Variants in XIST observed in about 807,000 individuals in gnomAD.
XIST encodes the protein X inactive specific transcript.
chrX:73,843,306 C>G (rs1301901349), exon 1 of XIST: 1 of 558,457 alleles, frequency 1.8e-6, no homozygotes, highest in African/African-American at 2.2e-5. Context: ...GTCAGTACCC[C>G]CGATGTAAGC....
At chrX:73,847,965 T>C in exon 1 of XIST, 1 of 559,192 alleles carries the variant, frequency 1.8e-6, no homozygotes, top group Non-Finnish European at 3.2e-6. Context: ...TCAGTTGCCA[T>C]GGTTCACATT....
At chrX:73,821,733 C>T (rs758874284) in exon 6 of XIST, 13 of 526,492 alleles carry the variant, frequency 2.5e-5, no homozygotes, top group Non-Finnish European at 4.4e-5. Context: ...AAAGCCCAGC[C>T]AGGCCTACAT....
chrX:73,825,986 A>C, exon 6 of XIST: 1 of 559,092 alleles, frequency 1.8e-6, no homozygotes, highest in Non-Finnish European at 3.2e-6. Context: ...GGCACAGTCC[A>C]CCAAATTATT....
chrX:73,847,660 T>C, exon 1 of XIST: 6 of 524,359 alleles, frequency 1.1e-5, no homozygotes, highest in Admixed American at 2.6e-5. Flanking sequence ...TTCTAATCAA[T>C]TAGACATTTG....
At chrX:73,851,285 A>G in exon 1 of XIST, 1 of 559,386 alleles carries the variant, frequency 1.8e-6, no homozygotes, top group East Asian at 3.2e-5. Context: ...AACGCCTGCC[A>G]TATTGTCCCT....
At chrX:73,842,914 C>T (rs780917399) in exon 1 of XIST, 1 of 558,437 alleles carries the variant, frequency 1.8e-6, no homozygotes, top group Non-Finnish European at 3.2e-6. Flanking sequence ...CAAGGGCACA[C>T]AAGGGGCAGA....
intron 3 of XIST, among the ~76,000 whole-genome samples, chrX:73,832,911 C>T (rs916952892): frequency 1.8e-5 from 2 of 111,178 alleles, no homozygotes; most frequent in African/African-American, 6.6e-5. Flanking sequence ...GAGACTGGGT[C>T]CCGCTCTGCC....
exon 1 of XIST, chrX:73,843,308 G>A (rs753613738): frequency 7.2e-6 from 4 of 558,651 alleles, no homozygotes; most frequent in South Asian, 4.4e-5. Context: ...CAGTACCCCC[G>A]ATGTAAGCAA....
At chrX:73,836,851 T>C (rs147194036) in intron 2 of XIST, among the ~76,000 whole-genome samples, 2 of 111,714 alleles carry the variant, frequency 1.8e-5, no homozygotes, top group African/African-American at 3.2e-5. Context: ...CCCACATTCA[T>C]GGGGTTATAT....
At chrX:73,826,823 C>A in exon 6 of XIST, 1 of 558,519 alleles carries the variant, frequency 1.8e-6, no homozygotes, top group Middle Eastern at 3.1e-4. Context: ...CCAGCTACAA[C>A]CCTGGGCTAA....
exon 6 of XIST, chrX:73,823,506 G>A (rs377391735): frequency 7.1e-5 from 38 of 535,405 alleles, no homozygotes; most frequent in African/African-American, 4.5e-4. Flanking sequence ...ACCCAGAATG[G>A]TATATTCCAC....
chrX:73,824,154 T>C (rs1922196591), exon 6 of XIST: 2 of 519,862 alleles, frequency 3.8e-6, no homozygotes, highest in Non-Finnish European at 6.9e-6. Flanking sequence ...TTTCTTCTGC[T>C]ACCCAAGACA....
At chrX:73,839,903 CAAT>C (rs1922554766) in intron 1 of XIST, among the ~76,000 whole-genome samples, 1 of 109,816 alleles carries the variant, frequency 9.1e-6, no homozygotes, top group Non-Finnish European at 1.9e-5. Context: ...AAACAAATTC[CAAT>C]AATAATTATA....
At chrX:73,828,495 T>C (rs1922314538) in intron 5 of XIST, 1 of 114,863 alleles carries the variant, frequency 8.7e-6, no homozygotes. Context: ...CTTAACATCC[T>C]GTTACAACTA....
At chrX:73,845,386 T>C in exon 1 of XIST, 2 of 557,217 alleles carry the variant, frequency 3.6e-6, no homozygotes, top group East Asian at 3.3e-5. Flanking sequence ...GGATGGGCCA[T>C]GTGCAGTTAT....
At chrX:73,849,353 G>C (rs377613290) in exon 1 of XIST, 314 of 557,010 alleles carry the variant, frequency 5.6e-4, no homozygotes, top group Non-Finnish European at 9.1e-4. Context: ...ATGCAAATGG[G>C]GTTCAGAGTG....
intron 2 of XIST, among the ~76,000 whole-genome samples, chrX:73,836,652 T>G (rs1922488635): frequency 8.9e-6 from 1 of 111,919 alleles, no homozygotes; most frequent in Admixed American, 9.5e-5. Flanking sequence ...TGAAAAGGTC[T>G]TGAAGGAATG....
chrX:73,829,530 C>T, intron 4 of XIST: 1 of 171,129 alleles, frequency 5.8e-6, no homozygotes, highest in Admixed American at 7.2e-5. Context: ...GTGGCTCACG[C>T]CCATAATCCC....
chrX:73,825,234 G>A (rs776538105), exon 6 of XIST: 5 of 557,140 alleles, frequency 9.0e-6, no homozygotes, highest in Non-Finnish European at 1.3e-5. Context: ...CTGGAATACT[G>A]CATTTTTACT....
Sources: gnomAD v4.1 joint callset for allele counts (sites outside exome capture counted in the v4.1 genomes callset) on GRCh38, gnomAD v4.1.1 for gene constraint, MANE v1.5 for transcripts, NCBI Gene and HGNC (gene_info 2026-07-23, HGNC 2026-07-21) for gene names.